Variants in MKNK2 observed in about 807,000 individuals in gnomAD.
The protein encoded by MKNK2 is MAPK interacting serine/threonine kinase 2.
MKNK2 carries 54 observed loss-of-function variants against 55.0 expected under a neutral mutation model. The observed-to-expected ratio is 0.98, with a 90% CI of 0.79 to 1.23. The LOEUF is 1.23. MKNK2 is among the 50% of genes most tolerant of loss of function. MKNK2 has a pLI of 0.00. For missense variants in MKNK2, 685 were observed against 632.1 expected, an observed-to-expected ratio of 1.08 and a Z score of -0.90; for synonymous variants, 323 against 256.0, an observed-to-expected ratio of 1.26 and a Z score of -2.50.
At chr19:2,046,330 G>A (rs1193058360) in intron 4 of MKNK2, 37 bp downstream of exon 4, 15 of 1,603,492 alleles carry the variant, frequency 9.4e-6, no homozygotes, top group East Asian at 2.2e-5. Context: ...GCTTTTCCCC[G>A]CTCCCGGCTC....
At position 2,039,486 on chromosome 19, in the gene MKNK2, G is replaced by A. The variant is rs1471634720; in HGVS notation, c.*127C>T. 3.5e-6 allele frequency: 5 copies of A among 1,429,160 alleles called. No individual in the cohort carries two copies. The highest frequency in any genetic ancestry group is 1.4e-5 in the African/African-American group (1 of 69,784). 88.5% of individuals were successfully genotyped at this position (1,429,160 alleles called of 1,614,324 possible). On this transcript the variant is annotated 3_prime_UTR_variant, in exon 14 of 14. Coordinates refer to ENST00000250896, the MANE Select transcript of MKNK2 (RefSeq NM_199054.3). Reference sequence around the variant, plus strand: ...CTTCTATAAAACACCCCCCTCAGCTGAGCTTAGTGCCTGGGAATCCAGGCA... The same window carrying A: ...CTTCTATAAAACACCCCCCTCAGCTAAGCTTAGTGCCTGGGAATCCAGGCA...
In MKNK2 at chr19:2,039,363, G is replaced by T; in HGVS notation, c.*250C>A. 1 of 1,375,432 alleles carries T rather than the reference G, an allele frequency of 7.3e-7. No homozygotes were observed. The highest frequency in any genetic ancestry group is 9.4e-7 in the Non-Finnish European group (1 of 1,064,936). 85.2% of individuals were successfully genotyped at this position (1,375,432 alleles called of 1,614,324 possible). On this transcript the variant is annotated 3_prime_UTR_variant, in exon 14 of 14. Transcript: ENST00000250896. ...GGACAAGCCCACCCACCTACCCTCT[G>T]CTCACCTTCCCGGGTGCCTGCAATG...
Position 2,038,244 on chromosome 19 carries a change from G to T in MKNK2, c.*1369C>A. 2.0e-6 allele frequency: 2 copies of T among 986,708 alleles called. No individual in the cohort carries two copies. Among genetic ancestry groups the T allele is most frequent in the Non-Finnish European group, 2.4e-6 (2 of 832,536 alleles). The allele number at this position is 986,708 out of a possible 1,614,324, so 61.1% of individuals were successfully genotyped here. On this transcript the variant is annotated 3_prime_UTR_variant, in exon 14 of 14. Coordinates refer to ENST00000250896, the MANE Select transcript of MKNK2 (RefSeq NM_199054.3). ...ACAGGGAAGCAAAGTCCATCGATGT[G>T]TTGTTTTTTTTTAAGGAAAAACTAA... is the stretch of plus-strand genomic sequence containing the variant.
Position 2,043,118 on chromosome 19 carries a change from A to G in MKNK2, c.493+6T>C. On this transcript the variant is annotated splice_donor_region_variant and intron_variant, in intron 7 of 13. Coordinates refer to ENST00000250896, the MANE Select transcript of MKNK2 (RefSeq NM_199054.3). ...TCCCTCCTCACAGCCTGGAGCCCCC[A>G]GGTACCTCCCCGCATCTTCTCAAAC... 1 of 1,610,788 alleles carries G rather than the reference A, an allele frequency of 6.2e-7. No individual in the cohort carries two copies. Among genetic ancestry groups the G allele is most frequent in the Non-Finnish European group, 8.5e-7 (1 of 1,177,248 alleles).
rs145600601 is a variant in MKNK2, at chr19:2,041,918, G to A, written c.867C>T (p.Leu289=). 1,022 of 1,549,688 alleles carry A rather than the reference G, an allele frequency of 6.6e-4. 2 individuals carry two copies. The African/African-American group carries it at 7.3e-3, about 11-fold the overall frequency. Residue 289 remains leucine (L), a synonymous_variant, in exon 11 of 14, where the codon CTC becomes CTT. Coordinates refer to ENST00000250896, the MANE Select transcript of MKNK2 (RefSeq NM_199054.3). ...GGCCCACGAAGGGCGGGTAGCCGCT[G>A]AGTAGGATATACAAGATGACGCCCA... is the stretch of plus-strand genomic sequence containing the variant. ...WSLGVILYIL[L]SGYPPFVGRC...
chr19:2,040,574 C>T (rs2016855042), intron 12 of MKNK2: 1 of 281,650 alleles, frequency 3.6e-6, no homozygotes. Flanking sequence ...CAGAGTGACC[C>T]CAGCTTCTAT....
In MKNK2 at chr19:2,037,832, T is replaced by TA; in HGVS notation, c.*1780_*1781insT. On this transcript the variant is annotated 3_prime_UTR_variant, in exon 14 of 14. Transcript: ENST00000250896. Reference sequence around the variant, plus strand: ...GGAGGAGGAAGTGACTGTCCCACCTTCAGAAAAAAAAAAAAAAACAAACAA... The same window carrying TA: ...GGAGGAGGAAGTGACTGTCCCACCTTACAGAAAAAAAAAAAAAAACAAACAA... The TA allele has an allele frequency of 6.5e-7, 1 of 1,527,420 alleles. No homozygotes were observed. The highest frequency in any genetic ancestry group is 1.9e-5 in the Admixed American group (1 of 52,462). 94.6% of individuals were successfully genotyped at this position (1,527,420 alleles called of 1,614,324 possible).
At chr19:2,043,707 G>A in intron 5 of MKNK2, 125 bp from the exon 6 acceptor site, 1 of 868,756 alleles carries the variant, frequency 1.2e-6, no homozygotes, top group Non-Finnish European at 1.8e-6. Context: ...TAGAAAGCAG[G>A]GCTCACGCCT....
At chr19:2,047,851 C>T (rs1568239916) in intron 2 of MKNK2, among the ~76,000 whole-genome samples, 1 of 152,026 alleles carries the variant, frequency 6.6e-6, no homozygotes. Context: ...TGCCTTCTGC[C>T]CCTACCCAAG....
rs2016995180 is a variant in MKNK2, at chr19:2,046,294, G to A, written c.242-11C>T. The A allele has an allele frequency of 1.2e-6, 2 of 1,603,360 alleles. No homozygotes were observed. Among genetic ancestry groups the A allele is most frequent in the South Asian group, 1.1e-5 (1 of 91,074 alleles). On this transcript the variant is annotated splice_polypyrimidine_tract_variant and intron_variant, in intron 4 of 13. Coordinates refer to ENST00000250896, the MANE Select transcript of MKNK2 (RefSeq NM_199054.3). ...GCAGCTGGTAGACGTCTGCCGGGCA[G>A]CGGGGCGGGCGTGAGAGGGACCCTG...
At chr19:2,043,975 CAAAAAAAAAAAAAAA>C (rs34533507) in intron 5 of MKNK2, among the ~76,000 whole-genome samples, 541 of 23,900 alleles carry the variant, frequency 0.023, 21 homozygotes, top group Non-Finnish European at 0.026. Flanking sequence ...GACTTCGCCT[CAAAAAAAAAAAAAAA>C]AAAAAAAAAA....
chr19:2,044,385 C>T (rs2016956091), intron 5 of MKNK2, among the ~76,000 whole-genome samples: 3 of 152,192 alleles, frequency 2.0e-5, no homozygotes, highest in African/African-American at 7.2e-5. Flanking sequence ...TCCCTGAGCC[C>T]CAGAGCCTCA....
At chr19:2,049,498 G>A (rs1162675226) in intron 2 of MKNK2, among the ~76,000 whole-genome samples, 1 of 152,174 alleles carries the variant, frequency 6.6e-6, no homozygotes, top group African/African-American at 2.4e-5. Context: ...AGGCTGCCCT[G>A]GCCATGCACA....
Position 2,039,687 on chromosome 19 carries a change from A to C in MKNK2, c.1324T>G (p.Ser442Ala). 1 of 1,613,118 alleles carries C rather than the reference A, an allele frequency of 6.2e-7. No individual in the cohort carries two copies. The highest frequency in any genetic ancestry group is 8.5e-7 in the Non-Finnish European group (1 of 1,179,940). Residue 442 changes from serine to alanine, a missense_variant, in exon 14 of 14, where the codon TCC becomes GCC. Transcript: ENST00000250896. Reference protein sequence around the residue: ...RCLQLSPPSQSKLAQRRQRAS... With the variant: ...RCLQLSPPSQAKLAQRRQRAS... ...CTTTGCCGCCGCTGCGCCAGCTTGG[A>C]CTGGGAGGGTGGAGACAGCTGCAGG...
Position 2,041,317 on chromosome 19 carries a change from C to T in MKNK2, c.946-113G>A, listed in dbSNP as rs758952911. Reference sequence around the variant, plus strand: ...AGGCCCTAGACCAGGCCCTAGACCACGCACGCCTGGGGCAGAGGGGGCTGG... The same window carrying T: ...AGGCCCTAGACCAGGCCCTAGACCATGCACGCCTGGGGCAGAGGGGGCTGG... On this transcript the variant is annotated intron_variant, in intron 11 of 13. Transcript: ENST00000250896. 2.3e-5 allele frequency: 25 copies of T among 1,107,538 alleles called. No homozygotes were observed. The Admixed American group carries it at 2.7e-4, about 12-fold the overall frequency. The allele number at this position is 1,107,538 out of a possible 1,614,324, so 68.6% of individuals were successfully genotyped here. A position where few individuals can be genotyped will look rare whatever the true frequency, so the allele number is the denominator to read the frequency against.
chr19:2,039,436 A>C lies in MKNK2; in HGVS notation c.*177T>G. On this transcript the variant is annotated 3_prime_UTR_variant, in exon 14 of 14. Coordinates refer to ENST00000250896, the MANE Select transcript of MKNK2 (RefSeq NM_199054.3). ...AATAACGGGGAGGGGTGGAAACAGG[A>C]AAAAAAAAACCCAAAAGCAAAAACC... 1 of 1,070,822 alleles carries C rather than the reference A, an allele frequency of 9.3e-7. No homozygotes were observed. The highest frequency in any genetic ancestry group is 3.1e-5 in the East Asian group (1 of 32,354). The allele number at this position is 1,070,822 out of a possible 1,614,324, so 66.3% of individuals were successfully genotyped here.
At chr19:2,042,719 T>A (rs1431861585) in intron 8 of MKNK2, 47 bp downstream of exon 8, 10 of 1,546,818 alleles carry the variant, frequency 6.5e-6, no homozygotes, top group Non-Finnish European at 7.9e-6. Context: ...CTTCCAGGAG[T>A]CCTTGGCAGG....
intron 12 of MKNK2, chr19:2,040,649 C>A (rs1247751869): frequency 3.4e-6 from 1 of 294,832 alleles, no homozygotes; most frequent in Non-Finnish European, 6.4e-6. Context: ...AGGAGAAACA[C>A]CCGACTCCTC....
rs545227825 is a variant in MKNK2, at chr19:2,039,646, C to T, written c.1365G>A (p.Ser455=). The T allele has an allele frequency of 2.1e-5, 34 of 1,612,814 alleles. No individual in the cohort carries two copies. The highest frequency in any genetic ancestry group is 4.5e-5 in the East Asian group (2 of 44,876). The change falls in exon 14 of 14, where the codon TCG becomes TCA. Residue 455 remains serine, a synonymous_variant. Transcript: ENST00000250896. The stretch of plus-strand genomic sequence containing the variant: ...GGTCTCCCACCAGGACCACTGGGGC[C>T]GAGGACAGACTGGCCCTTTGCCGCC... ...AQRRQRASLS[S]APVVLVGDHA is the part of the protein sequence containing the mutation.
Sources: gnomAD v4.1 joint callset for allele counts (sites outside exome capture counted in the v4.1 genomes callset) on GRCh38, gnomAD v4.1.1 for gene constraint, MANE v1.5 for transcripts, NCBI Gene and HGNC (gene_info 2026-07-23, HGNC 2026-07-21) for gene names.